The following SGCG variants were observed in gnomAD, a reference collection of about 807,000 sequenced individuals.
SGCG encodes gamma-sarcoglycan.
SGCG carries 26 observed loss-of-function variants against 29.3 expected under a neutral mutation model. That is an observed-to-expected ratio of 0.89 (90% CI 0.65 to 1.23). The LOEUF (loss-of-function observed/expected upper bound fraction) is 1.23. Among genes scored for constraint, SGCG ranks in the 50% most tolerant of loss-of-function variants. The pLI is 0.00. For synonymous variants in SGCG, 145 were observed against 129.7 expected (o/e 1.12, Z -0.80); for missense variants, 353 against 356.0 (o/e 0.99, Z 0.07).
intron 2 of SGCG, among the ~76,000 whole-genome samples, chr13:23,226,757 A>G (rs1878914535): frequency 1.3e-5 from 2 of 152,186 alleles, no homozygotes; most frequent in African/African-American, 4.8e-5. Context: ...TGGGGGCAGG[A>G]GGAAATGCAA....
At chr13:23,202,594 T>C (rs572585449) in intron 1 of SGCG, among the ~76,000 whole-genome samples, 1 of 152,326 alleles carries the variant, frequency 6.6e-6, no homozygotes, top group South Asian at 2.1e-4. Flanking sequence ...TACGAAATCA[T>C]TAAACATTTA....
chr13:23,191,994 C>A (rs4600313), intron 1 of SGCG, among the ~76,000 whole-genome samples: 1 of 151,194 alleles, frequency 6.6e-6, no homozygotes, highest in African/African-American at 2.4e-5. Context: ...GCTAACACGG[C>A]GAAACCCCGT....
intron 4 of SGCG, among the ~76,000 whole-genome samples, chr13:23,260,887 C>T (rs938299643): frequency 6.6e-6 from 1 of 152,138 alleles, no homozygotes. Flanking sequence ...GGCTTGTAGA[C>T]TTTCTGCCAA....
intron 1 of SGCG, among the ~76,000 whole-genome samples, chr13:23,197,023 T>C (rs2137490022): frequency 6.6e-6 from 1 of 152,332 alleles, no homozygotes; most frequent in East Asian, 1.9e-4. Context: ...ATAGACTGGA[T>C]GCCTCTTAGT....
chr13:23,295,512 A>G (rs1881872991), intron 6 of SGCG, 25 bp downstream of exon 6: 2 of 1,501,942 alleles, frequency 1.3e-6, no homozygotes, highest in Admixed American at 1.7e-5. Context: ...TCAAATATTA[A>G]CAACCTCTCC....
At chr13:23,163,685 T>G in the SGCG span, among the ~76,000 whole-genome samples, 1 of 152,228 alleles carries the variant, frequency 6.6e-6, no homozygotes, top group African/African-American at 2.4e-5. Flanking sequence ...ACACTGTTTT[T>G]TGTCTAGTAG....
chr13:23,269,914 G>A (rs1447951024), intron 4 of SGCG, among the ~76,000 whole-genome samples: 4 of 135,162 alleles, frequency 3.0e-5, no homozygotes, highest in African/African-American at 5.5e-5. Flanking sequence ...TCCCTCTGTC[G>A]CCCAGGCTGG....
the SGCG span, among the ~76,000 whole-genome samples, chr13:23,162,340 C>G: frequency 1.5e-4 from 23 of 152,316 alleles, no homozygotes; most frequent in South Asian, 4.8e-3. Flanking sequence ...CCTGGGCGGG[C>G]GCGGTGGCTC....
chr13:23,163,656 G>C, the SGCG span, among the ~76,000 whole-genome samples: 4 of 152,100 alleles, frequency 2.6e-5, no homozygotes, highest in African/African-American at 9.7e-5. Context: ...ACATGAATCA[G>C]ATATCAATTT....
chr13:23,215,408 T>A (rs910213428), intron 2 of SGCG, among the ~76,000 whole-genome samples: 1 of 152,196 alleles, frequency 6.6e-6, no homozygotes, highest in African/African-American at 2.4e-5. Flanking sequence ...TAGAAAAGCC[T>A]ACTTTGAGAT....
chr13:23,266,094 G>T (rs867712527), intron 4 of SGCG, among the ~76,000 whole-genome samples: 1 of 152,050 alleles, frequency 6.6e-6, no homozygotes, highest in African/African-American at 2.4e-5. Context: ...TGGACAACAT[G>T]TTGAAACCCC....
chr13:23,250,703 G>C lies in SGCG; in HGVS notation c.371G>C (p.Gly124Ala). The C allele has an allele frequency of 6.2e-7, 1 of 1,609,812 alleles. No homozygotes were observed. The highest frequency in any genetic ancestry group is 1.1e-5 in the South Asian group (1 of 90,906). Reference protein sequence around the residue: ...NARNSEGEVTGRLKVGPKMVE... With the variant: ...NARNSEGEVTARLKVGPKMVE... ...CGCAACTCAGAAGGGGAGGTCACAGGCAGGTTAAAAGTCGGTGAGTCCAGC... is the reference window on the plus strand; with the variant it reads ...CGCAACTCAGAAGGGGAGGTCACAGCCAGGTTAAAAGTCGGTGAGTCCAGC... The change falls in exon 4 of 8, where the codon GGC becomes GCC. Residue 124 changes from glycine (G) to alanine (A), a missense_variant. Gly to Ala is a moderately conservative substitution (Grantham distance 60). Coordinates refer to ENST00000218867, the MANE Select transcript of SGCG (RefSeq NM_000231.3).
chr13:23,186,356 A>G (rs757256271), intron 1 of SGCG, among the ~76,000 whole-genome samples: 1 of 152,220 alleles, frequency 6.6e-6, no homozygotes, highest in Non-Finnish European at 1.5e-5. Context: ...AGAATGGTGC[A>G]TCGTGTCCTC....
chr13:23,310,140 G>A (rs1415401099), intron 6 of SGCG, among the ~76,000 whole-genome samples: 1 of 133,436 alleles, frequency 7.5e-6, no homozygotes, highest in Non-Finnish European at 1.5e-5. Flanking sequence ...AGGCTGGAGT[G>A]CAGTGACACG....
intron 6 of SGCG, among the ~76,000 whole-genome samples, chr13:23,298,006 A>C (rs1159433659): frequency 1.3e-5 from 2 of 151,566 alleles, no homozygotes; most frequent in Non-Finnish European, 2.9e-5. Context: ...TGGCCTCCCA[A>C]AGTGCTGGGA....
intron 6 of SGCG, 37 bp from the exon 7 acceptor site, chr13:23,320,597 CTTT>C (rs67528585): frequency 4.6e-4 from 612 of 1,319,486 alleles, no homozygotes; most frequent in East Asian, 8.5e-4. Flanking sequence ...ATTTTTAATA[CTTT>C]TTTTTTTTTT....
the SGCG span, among the ~76,000 whole-genome samples, chr13:23,164,082 G>A: frequency 6.6e-6 from 1 of 152,068 alleles, no homozygotes; most frequent in Admixed American, 6.6e-5. Context: ...CGCCTCAATT[G>A]GTAACCAGGT....
intron 1 of SGCG, among the ~76,000 whole-genome samples, chr13:23,195,065 A>G (rs1877433676): frequency 6.6e-6 from 1 of 152,218 alleles, no homozygotes. Flanking sequence ...GATTGAGGGT[A>G]GGTATAAATC....
chr13:23,307,204 A>G (rs1882392960), intron 6 of SGCG, among the ~76,000 whole-genome samples: 1 of 152,190 alleles, frequency 6.6e-6, no homozygotes, highest in Admixed American at 6.5e-5. Context: ...GCAGTAATTA[A>G]AAGTCTGAGA....
Sources: gnomAD v4.1 joint callset for allele counts (sites outside exome capture counted in the v4.1 genomes callset) on GRCh38, gnomAD v4.1.1 for gene constraint, MANE v1.5 for transcripts, NCBI Gene and HGNC (gene_info 2026-07-23, HGNC 2026-07-21) for gene names.